The following SATB2 variants were observed in gnomAD, a reference collection of about 807,000 sequenced individuals.
SATB2 encodes SATB homeobox 2.
A neutral mutation model predicts 73.4 loss-of-function variants in SATB2; 1 was observed. The ratio of observed to expected loss-of-function variants is 0.01; its 90% CI spans 0.00 to 0.06. The LOEUF is 0.06. Among genes scored for constraint, SATB2 ranks in the 10% least tolerant of loss-of-function variants. The probability of loss-of-function intolerance (pLI) is 1.00; values close to 1 mark genes in which losing one functional copy is unlikely to be tolerated. For synonymous variants in SATB2, 397 were observed against 367.0 expected, an observed-to-expected ratio of 1.08 and a Z score of -0.93; for missense variants, 459 against 945.8, an observed-to-expected ratio of 0.49 and a Z score of 6.75.
At chr2:199,294,594 A>G (rs1692968861) in intron 10 of SATB2, among the ~76,000 whole-genome samples, 1 of 152,212 alleles carries the variant, frequency 6.6e-6, no homozygotes, top group Non-Finnish European at 1.5e-5. Context: ...TCAAAAGTGT[A>G]GCCCTAAATT....
intron 6 of SATB2, among the ~76,000 whole-genome samples, chr2:199,362,254 G>A (rs1158281375): frequency 6.6e-6 from 1 of 152,090 alleles, no homozygotes; most frequent in Non-Finnish European, 1.5e-5. Context: ...CTGTACTGAT[G>A]ATCATGCGGT....
intron 10 of SATB2, among the ~76,000 whole-genome samples, chr2:199,275,599 T>C (rs1409211688): frequency 6.6e-6 from 1 of 152,084 alleles, no homozygotes; most frequent in African/African-American, 2.4e-5. Context: ...ATAAAGAAGG[T>C]TTCCAGGGGA....
At chr2:199,402,230 C>G (rs1690503290) in intron 3 of SATB2, among the ~76,000 whole-genome samples, 1 of 152,030 alleles carries the variant, frequency 6.6e-6, no homozygotes, top group South Asian at 2.1e-4. Context: ...ACTAAAAATA[C>G]AAAAATTAGC....
At chr2:199,338,832 G>A (rs754792315) in intron 7 of SATB2, among the ~76,000 whole-genome samples, 8 of 150,746 alleles carry the variant, frequency 5.3e-5, no homozygotes, top group Middle Eastern at 3.6e-3. Context: ...TGGGAGAATC[G>A]CTTGAACCTA....
At chr2:199,294,855 A>T (rs1469979731) in intron 10 of SATB2, among the ~76,000 whole-genome samples, 1 of 152,216 alleles carries the variant, frequency 6.6e-6, no homozygotes, top group Admixed American at 6.5e-5. Flanking sequence ...CATCTTTAAG[A>T]GTTCACATCA....
At chr2:199,327,271 C>A (rs1173240969) in intron 8 of SATB2, among the ~76,000 whole-genome samples, 1 of 152,068 alleles carries the variant, frequency 6.6e-6, no homozygotes, top group African/African-American at 2.4e-5. Flanking sequence ...GAAACCCAAC[C>A]TCTACTAAAA....
chr2:199,441,937 A>T (rs112592803), intron 2 of SATB2, among the ~76,000 whole-genome samples: 58 of 152,242 alleles, frequency 3.8e-4, no homozygotes, highest in African/African-American at 1.4e-3. Flanking sequence ...AGCCTGAGCC[A>T]CACCTGGGAA....
chr2:199,468,547 G>A (rs926152308), upstream of SATB2, among the ~76,000 whole-genome samples: 4 of 152,344 alleles, frequency 2.6e-5, no homozygotes, highest in Admixed American at 6.5e-5. Flanking sequence ...AGTGGGGAGT[G>A]AGGGAGAGAG....
At chr2:199,373,091 A>G (rs1297183830) in intron 5 of SATB2, among the ~76,000 whole-genome samples, 1 of 152,190 alleles carries the variant, frequency 6.6e-6, no homozygotes, top group Non-Finnish European at 1.5e-5. Context: ...TACACTTGTT[A>G]TGAAGAAGAA....
At chr2:199,324,507 G>T (rs1687979406) in intron 8 of SATB2, among the ~76,000 whole-genome samples, 1 of 152,000 alleles carries the variant, frequency 6.6e-6, no homozygotes, top group East Asian at 1.9e-4. Context: ...TTTCACCTAG[G>T]AAATCAGTGG....
At chr2:199,392,224 A>G (rs1011367377) in intron 3 of SATB2, among the ~76,000 whole-genome samples, 1 of 152,144 alleles carries the variant, frequency 6.6e-6, no homozygotes, top group Non-Finnish European at 1.5e-5. Flanking sequence ...TCCTCAAAAG[A>G]GCAGAAAAAT....
intron 3 of SATB2, among the ~76,000 whole-genome samples, chr2:199,420,871 T>C (rs1691145119): frequency 6.6e-6 from 1 of 152,172 alleles, no homozygotes; most frequent in Non-Finnish European, 1.5e-5. Context: ...ATTGGTTTCA[T>C]AACTAATATT....
chr2:199,331,672 T>C (rs181109118), intron 7 of SATB2, among the ~76,000 whole-genome samples: 27 of 152,258 alleles, frequency 1.8e-4, no homozygotes, highest in Non-Finnish European at 1.5e-5. Flanking sequence ...CTTTTAACTA[T>C]TTAAATTGGG....
rs986120857 is a variant in SATB2, at chr2:199,457,628, G to A, written c.-349C>T. On this transcript the variant is annotated 5_prime_UTR_variant, in exon 1 of 11. Coordinates refer to ENST00000417098, the MANE Select transcript of SATB2 (RefSeq NM_001172509.2). The surrounding 1 kb of genome is among the most constrained non-coding windows in gnomAD (Gnocchi z 4.8). Reference sequence around the variant, plus strand: ...AGGGACACCCGAGCGAGCGGGGGAGGGGACGGCGGAGGAGGGGGGAAGAGA... The same window carrying A: ...AGGGACACCCGAGCGAGCGGGGGAGAGGACGGCGGAGGAGGGGGGAAGAGA... 10 of 153,350 alleles carry A rather than the reference G, an allele frequency of 6.5e-5. No homozygotes were observed. The highest frequency in any genetic ancestry group is 5.9e-4 in the Admixed American group (9 of 15,290). 9.5% of individuals were successfully genotyped at this position (153,350 alleles called of 1,614,324 possible).
Position 199,278,190 on chromosome 2 carries a change from C to T in SATB2, c.1741-5518G>A, listed in dbSNP as rs114887831. Among the ~76,000 whole-genome samples the T allele has an allele frequency of 6.6e-3, 1,011 of 152,218 alleles. 11 individuals are homozygous for T. Among genetic ancestry groups the T allele is most frequent in the African/African-American group, 0.019 (809 of 41,514 alleles). On this transcript the variant is annotated intron_variant, in intron 10 of 10. Transcript: ENST00000417098. ...AGCCCAGGCATGAAGATGTGAAGCC[C>T]AGCCATGTGGAAGAACATTCCAGAT...
intron 4 of SATB2, among the ~76,000 whole-genome samples, chr2:199,381,076 T>G (rs1317143139): frequency 6.6e-6 from 1 of 152,186 alleles, no homozygotes; most frequent in African/African-American, 2.4e-5. Flanking sequence ...ATCAGGCACT[T>G]TACAATAAAA....
intron 2 of SATB2, among the ~76,000 whole-genome samples, chr2:199,450,528 T>G (rs1028819990): frequency 8.5e-5 from 13 of 152,198 alleles, no homozygotes; most frequent in African/African-American, 2.9e-4. Flanking sequence ...AATAAAACAA[T>G]GTACATATTT....
intron 6 of SATB2, among the ~76,000 whole-genome samples, chr2:199,356,881 G>A (rs1689002625): frequency 6.6e-6 from 1 of 152,136 alleles, no homozygotes; most frequent in South Asian, 2.1e-4. Context: ...GAAGCACTGA[G>A]CTAAATCCCT....
At position 199,301,233 on chromosome 2, in the gene SATB2, A is replaced by G. The variant is rs566991500; in HGVS notation, c.1740+7527T>C. ...ATGGAACTGAAAATCTCCCTTAGGC[A>G]TTGGTTTCCTACTACTTGCATGCCC... On this transcript the variant is annotated intron_variant, in intron 10 of 10. Coordinates refer to ENST00000417098, the MANE Select transcript of SATB2 (RefSeq NM_001172509.2). Among the ~76,000 whole-genome samples, 133 of 152,232 alleles carry G rather than the reference A, an allele frequency of 8.7e-4. 1 individual carries two copies. The highest frequency in any genetic ancestry group is 3.0e-3 in the African/African-American group (124 of 41,564).
Sources: allele counts gnomAD v4.1 joint callset (sites outside exome capture counted in the v4.1 genomes callset), GRCh38; gene constraint gnomAD v4.1.1; non-coding constraint Gnocchi (gnomAD v3.1); transcripts MANE v1.5; gene names NCBI Gene and HGNC (gene_info 2026-07-23, HGNC 2026-07-21).